Variants in UBE4B observed in about 807,000 individuals in gnomAD.
The protein encoded by UBE4B is ubiquitination factor E4B, also known as ubiquitin conjugation factor E4 B.
A neutral mutation model predicts 148.1 loss-of-function variants in UBE4B; 27 were observed. That is an observed-to-expected ratio of 0.18 (90% CI 0.13 to 0.25). UBE4B has a LOEUF of 0.25. Ranked by LOEUF, UBE4B falls within the 10% of genes least tolerant of loss-of-function variation. UBE4B has a pLI of 1.00. For synonymous variants in UBE4B, 596 were observed against 619.3 expected, an observed-to-expected ratio of 0.96 and a Z score of 0.56; for missense variants, 1,170 against 1,662.4, an observed-to-expected ratio of 0.70 and a Z score of 5.15.
chr1:10,154,891 C>A (rs565164016), intron 21 of UBE4B, among the ~76,000 whole-genome samples: 2 of 151,232 alleles, frequency 1.3e-5, no homozygotes, highest in African/African-American at 4.8e-5. Context: ...AAAATAGTAA[C>A]AGCGCATTGG....
At position 10,168,531 on chromosome 1, in the gene UBE4B, A is replaced by C. The variant is rs1646289972; in HGVS notation, c.3333+261A>C. On this transcript the variant is annotated intron_variant, in intron 24 of 27. Transcript: ENST00000343090. The surrounding 1 kb of genome is among the most constrained non-coding windows in gnomAD (Gnocchi z 4.9). ...ACTGCACTTTGTGCTTAGACAGTAC[A>C]TTGGATTATTCATGTTGATGTCATG... is the stretch of plus-strand genomic sequence containing the variant. Among the ~76,000 whole-genome samples, 1 of 152,186 alleles carries C rather than the reference A, an allele frequency of 6.6e-6. No homozygotes were observed. Among genetic ancestry groups the C allele is most frequent in the African/African-American group, 2.4e-5 (1 of 41,438 alleles).
intron 7 of UBE4B, among the ~76,000 whole-genome samples, chr1:10,109,272 A>G (rs1241493757): frequency 6.6e-6 from 1 of 152,062 alleles, no homozygotes; most frequent in African/African-American, 2.4e-5. Context: ...GAGCATCCTG[A>G]ATCCAGACTC....
At chr1:10,051,657 T>G (rs1367605307) in intron 1 of UBE4B, among the ~76,000 whole-genome samples, 1 of 151,962 alleles carries the variant, frequency 6.6e-6, no homozygotes, top group East Asian at 1.9e-4. Context: ...ACTAAGAGGG[T>G]GAAGGTGGAG....
At position 10,098,546 on chromosome 1, in the gene UBE4B, A is replaced by G. The variant is rs1352203474; in HGVS notation, c.348-2562A>G. Among the ~76,000 whole-genome samples the G allele has an allele frequency of 4.6e-5, 7 of 152,346 alleles. No homozygotes were observed. The East Asian group carries it at 1.2e-3, about 25-fold the overall frequency. Reference sequence around the variant, plus strand: ...TGACGTGTCACTTTTAGATGAAGGCAGTTGAGCCAATGTTCCTCCTCCGTC... The same window carrying G: ...TGACGTGTCACTTTTAGATGAAGGCGGTTGAGCCAATGTTCCTCCTCCGTC... On this transcript the variant is annotated intron_variant, in intron 3 of 27. Transcript: ENST00000343090.
At chr1:10,038,245 A>T (rs1416123845) in intron 1 of UBE4B, among the ~76,000 whole-genome samples, 1 of 149,792 alleles carries the variant, frequency 6.7e-6, no homozygotes, top group South Asian at 2.1e-4. Context: ...ACACCACTAC[A>T]CTCCAGCCTG....
chr1:10,110,200 C>A (rs767660179), intron 7 of UBE4B, among the ~76,000 whole-genome samples: 2 of 152,128 alleles, frequency 1.3e-5, no homozygotes, highest in Non-Finnish European at 2.9e-5. Flanking sequence ...GATTCGATGT[C>A]TTATAAATCT....
chr1:10,155,969 G>C (rs116800840), intron 21 of UBE4B, among the ~76,000 whole-genome samples: 2 of 151,350 alleles, frequency 1.3e-5, no homozygotes, highest in Admixed American at 1.3e-4. Context: ...GGTGGAGGTC[G>C]CAGTGAGCCA....
rs1003667330 is a variant in UBE4B, at chr1:10,101,021, T to G, written c.348-87T>G. The G allele has an allele frequency of 4.4e-5, 53 of 1,192,724 alleles. 1 individual carries two copies. The highest frequency in any genetic ancestry group is 5.8e-5 in the Non-Finnish European group (48 of 822,100). 73.9% of individuals were successfully genotyped at this position (1,192,724 alleles called of 1,614,324 possible). A position where few individuals can be genotyped will look rare whatever the true frequency, so the allele number is the denominator to read the frequency against. On this transcript the variant is annotated intron_variant, in intron 3 of 27. Transcript: ENST00000343090. ...TTTTCCTTTCCTGATTAACTGATAT[T>G]TTAAAACATTTTCTCACCCAGCAGC...
At chr1:10,167,067 G>C (rs1646261953) in intron 23 of UBE4B, among the ~76,000 whole-genome samples, 1 of 152,042 alleles carries the variant, frequency 6.6e-6, no homozygotes, top group South Asian at 2.1e-4. Context: ...GGGAGGCGGA[G>C]GTTACAGTGA....
intron 21 of UBE4B, among the ~76,000 whole-genome samples, chr1:10,156,463 C>T (rs559371807): frequency 6.6e-6 from 1 of 152,170 alleles, no homozygotes; most frequent in Non-Finnish European, 1.5e-5. Flanking sequence ...TGGTCTCAAA[C>T]TCCTGAGCTC....
At chr1:10,177,439 G>A (rs922283102) in intron 25 of UBE4B, among the ~76,000 whole-genome samples, 7 of 152,108 alleles carry the variant, frequency 4.6e-5, no homozygotes, top group African/African-American at 1.7e-4. Flanking sequence ...TCAGTGAGCC[G>A]AGAGCGTGCC....
chr1:10,172,023 G>A (rs192225984), intron 25 of UBE4B, among the ~76,000 whole-genome samples: 3 of 152,162 alleles, frequency 2.0e-5, no homozygotes, highest in African/African-American at 7.2e-5. Flanking sequence ...AAAAGAGCCC[G>A]GTTTCTCAAG....
At chr1:10,108,251 A>G (rs1240060018) in intron 7 of UBE4B, among the ~76,000 whole-genome samples, 1 of 144,326 alleles carries the variant, frequency 6.9e-6, no homozygotes, top group Non-Finnish European at 1.5e-5. Flanking sequence ...CAATCCATCG[A>G]AGAACATATG....
chr1:10,072,715 A>G (rs1383561140), intron 2 of UBE4B: 1 of 472,898 alleles, frequency 2.1e-6, no homozygotes, highest in Non-Finnish European at 3.7e-6. Context: ...TTATTTCTTT[A>G]TAATAAATGA....
chr1:10,071,364 T>C (rs987240886), intron 1 of UBE4B, among the ~76,000 whole-genome samples: 2 of 152,136 alleles, frequency 1.3e-5, no homozygotes, highest in African/African-American at 4.8e-5. Flanking sequence ...GGAGGATCAC[T>C]TGGGGCCAGG....
At chr1:10,034,642 A>G (rs530493819) in intron 1 of UBE4B, among the ~76,000 whole-genome samples, 1 of 152,142 alleles carries the variant, frequency 6.6e-6, no homozygotes, top group African/African-American at 2.4e-5. Context: ...CTGGTTCATC[A>G]TGTAAACTTC....
At chr1:10,053,782 C>T (rs576198834) in intron 1 of UBE4B, among the ~76,000 whole-genome samples, 7 of 152,164 alleles carry the variant, frequency 4.6e-5, no homozygotes, top group Admixed American at 4.6e-4. Context: ...CTCGACCTTT[C>T]GGGCTCAAGT....
chr1:10,136,404 A>C (rs1456994731), intron 16 of UBE4B, among the ~76,000 whole-genome samples: 5 of 151,012 alleles, frequency 3.3e-5, no homozygotes, highest in Admixed American at 6.6e-5. Context: ...CAGGAAATTG[A>C]GGCTGCAGTG....
At chr1:10,162,850 G>C (rs994611586) in intron 23 of UBE4B, among the ~76,000 whole-genome samples, 1 of 151,934 alleles carries the variant, frequency 6.6e-6, no homozygotes, top group East Asian at 1.9e-4. Flanking sequence ...CCAATGTTTA[G>C]CTCCCATTTA....
Sources: gnomAD v4.1 joint callset for allele counts (sites outside exome capture counted in the v4.1 genomes callset) on GRCh38, gnomAD v4.1.1 for gene constraint, Gnocchi (gnomAD v3.1) non-coding constraint, MANE v1.5 for transcripts, NCBI Gene and HGNC (gene_info 2026-07-23, HGNC 2026-07-21) for gene names.